ATAD2B: variants seen among roughly 807,000 people sequenced by gnomAD.
ATAD2B encodes ATPase family AAA domain-containing protein 2B.
Under a neutral mutation model 167.6 loss-of-function variants are expected in ATAD2B, and 40 were observed. That is an observed-to-expected ratio of 0.24 (90% CI 0.19 to 0.31). The LOEUF is 0.31. Ranked by LOEUF, ATAD2B falls within the 10% of genes least tolerant of loss-of-function variation. The pLI is 1.00. For missense variants in ATAD2B, 1,242 were observed against 1,757.2 expected, an observed-to-expected ratio of 0.71 and a Z score of 5.24; for synonymous variants, 579 against 596.5, an observed-to-expected ratio of 0.97 and a Z score of 0.43.
chr2:23,739,426 T>G, the ATAD2B span, among the ~76,000 whole-genome samples: 24 of 152,196 alleles, frequency 1.6e-4, no homozygotes, highest in African/African-American at 5.5e-4. Context: ...ACATGGAAAC[T>G]GAACAACCTG....
At chr2:23,923,550 C>T (rs907956791) in intron 1 of ATAD2B, among the ~76,000 whole-genome samples, 2 of 151,732 alleles carry the variant, frequency 1.3e-5, no homozygotes, top group African/African-American at 4.8e-5. Flanking sequence ...TTAGGAATGA[C>T]GGACATGTCT....
chr2:23,731,966 G>T, the ATAD2B span, among the ~76,000 whole-genome samples: 2 of 142,902 alleles, frequency 1.4e-5, no homozygotes, highest in African/African-American at 2.5e-5. Context: ...GACAAAGCAA[G>T]ACTGTCTCCT....
intron 15 of ATAD2B, among the ~76,000 whole-genome samples, chr2:23,826,530 T>C (rs1688284852): frequency 6.6e-6 from 1 of 152,170 alleles, no homozygotes; most frequent in African/African-American, 2.4e-5. Flanking sequence ...AGTTATCAAA[T>C]AAAGAGCATT....
chr2:23,742,207 T>A, the ATAD2B span, among the ~76,000 whole-genome samples: 1 of 152,330 alleles, frequency 6.6e-6, no homozygotes, highest in South Asian at 2.1e-4. Flanking sequence ...TTACTGGGTA[T>A]ATACCCAAAG....
the ATAD2B span, chr2:23,706,499 C>T: frequency 6.5e-7 from 1 of 1,530,850 alleles, no homozygotes; most frequent in Non-Finnish European, 8.7e-7. Flanking sequence ...TGCTTGATGG[C>T]AAGATTTATG....
chr2:23,754,389 A>G (rs1162951623), intron 26 of ATAD2B, 82 bp from the exon 27 acceptor site: 4 of 1,362,656 alleles, frequency 2.9e-6, no homozygotes, highest in Admixed American at 5.2e-5. Context: ...GCTAGTCAAT[A>G]AACACCATAA....
chr2:23,806,358 G>T (rs767002500), intron 18 of ATAD2B: 1 of 152,030 alleles, frequency 6.6e-6, no homozygotes, highest in South Asian at 2.1e-4. Flanking sequence ...AAATGTCATC[G>T]CCATTGTGGT....
intron 24 of ATAD2B, 133 bp downstream of exon 24, chr2:23,762,076 C>T: frequency 1.2e-6 from 1 of 853,232 alleles, no homozygotes; most frequent in Non-Finnish European, 1.7e-6. Flanking sequence ...CTCACAAGCT[C>T]TTCTTCACCT....
intron 10 of ATAD2B, among the ~76,000 whole-genome samples, chr2:23,865,315 G>A (rs1369466569): frequency 1.3e-5 from 2 of 152,134 alleles, no homozygotes; most frequent in Non-Finnish European, 2.9e-5. Context: ...GATCACCTGA[G>A]CTCAGGAGTT....
At chr2:23,913,021 A>G (rs892159409) in intron 1 of ATAD2B, among the ~76,000 whole-genome samples, 24 of 152,138 alleles carry the variant, frequency 1.6e-4, no homozygotes, top group African/African-American at 5.8e-4. Context: ...AATAAATAAA[A>G]AGACTCTTAA....
Position 23,751,177 on chromosome 2 carries a change from AGTTTT to A in ATAD2B, c.*864_*868del, listed in dbSNP as rs1302100362. ...TTGTTGGCAATACCAAAACGTGTGC[AGTTTT>A]GTTTTTTGTTTTTTTGTGTGTGGAC... On this transcript the variant is annotated 3_prime_UTR_variant, in exon 28 of 28. Coordinates refer to ENST00000238789, the MANE Select transcript of ATAD2B (RefSeq NM_017552.4). The A allele has an allele frequency of 6.6e-6, 1 of 152,148 alleles. No individual in the cohort carries two copies. Among genetic ancestry groups the A allele is most frequent in the African/African-American group, 2.4e-5 (1 of 41,448 alleles). The allele number at this position is 152,148 out of a possible 1,614,324, so 9.4% of individuals were successfully genotyped here.
At chr2:23,840,185 A>G (rs930826291) in intron 13 of ATAD2B, among the ~76,000 whole-genome samples, 8 of 152,214 alleles carry the variant, frequency 5.3e-5, no homozygotes, top group African/African-American at 1.9e-4. Context: ...AAAACCTGCT[A>G]TAAACATTGA....
intron 17 of ATAD2B, among the ~76,000 whole-genome samples, chr2:23,818,111 A>G (rs1686769637): frequency 1.5e-5 from 2 of 130,088 alleles, no homozygotes; most frequent in Non-Finnish European, 3.3e-5. Flanking sequence ...ACACACACAC[A>G]CACACACACA....
At chr2:23,844,162 A>G (rs1025632474) in intron 13 of ATAD2B, among the ~76,000 whole-genome samples, 1 of 151,486 alleles carries the variant, frequency 6.6e-6, no homozygotes, top group Non-Finnish European at 1.5e-5. Flanking sequence ...CTGGTCTCAA[A>G]CTCCTGACCT....
At chr2:23,808,044 T>C (rs1261271407) in intron 18 of ATAD2B, among the ~76,000 whole-genome samples, 2 of 129,538 alleles carry the variant, frequency 1.5e-5, no homozygotes, top group Non-Finnish European at 3.2e-5. Flanking sequence ...GTAATTTATT[T>C]ATATATAAGT....
At chr2:23,693,371 T>A in the ATAD2B span, 1 of 1,551,530 alleles carries the variant, frequency 6.4e-7, no homozygotes, top group Non-Finnish European at 8.7e-7. Context: ...GCGCTGCAGA[T>A]CTTCCCCGAG....
downstream of ATAD2B, among the ~76,000 whole-genome samples, chr2:23,748,320 C>T (rs866549895): frequency 6.6e-6 from 1 of 151,978 alleles, no homozygotes; most frequent in South Asian, 2.1e-4. Context: ...GATAACAACC[C>T]GATAAAAAGG....
chr2:23,859,010 G>C (rs1693904586), intron 12 of ATAD2B, among the ~76,000 whole-genome samples: 1 of 152,064 alleles, frequency 6.6e-6, no homozygotes. Flanking sequence ...AAAGGCATGT[G>C]TCATTTCTAA....
chr2:23,795,266 A>G (rs770275703), intron 19 of ATAD2B, among the ~76,000 whole-genome samples: 6 of 152,198 alleles, frequency 3.9e-5, no homozygotes, highest in Non-Finnish European at 8.8e-5. Flanking sequence ...CACCATACAC[A>G]TTGATTTATT....
Sources: gnomAD v4.1 joint callset for allele counts (sites outside exome capture counted in the v4.1 genomes callset) on GRCh38, gnomAD v4.1.1 for gene constraint, MANE v1.5 for transcripts, NCBI Gene and HGNC (gene_info 2026-07-23, HGNC 2026-07-21) for gene names.